CMBL: variants seen among roughly 807,000 people sequenced by gnomAD.
CMBL encodes carboxymethylenebutenolidase homolog (Pseudomonas).
Under a neutral mutation model 28.7 loss-of-function variants are expected in CMBL, and 17 were observed. That is an observed-to-expected ratio of 0.59 (90% confidence interval 0.41 to 0.89). The LOEUF (loss-of-function observed/expected upper bound fraction) is 0.89. Among genes scored for constraint, CMBL ranks in the 40% least tolerant of loss-of-function variants. CMBL has a pLI of 0.00. For missense variants in CMBL, 310 were observed against 298.5 expected (o/e 1.04, Z -0.28); for synonymous variants, 106 against 101.6 (o/e 1.04, Z -0.26).
At chr5:10,287,294 T>C (rs970326247) in intron 3 of CMBL, among the ~76,000 whole-genome samples, 11 of 152,322 alleles carry the variant, frequency 7.2e-5, no homozygotes, top group African/African-American at 2.4e-4. Flanking sequence ...CCATAGACTA[T>C]ACTCAGCCAT....
chr5:10,283,340 C>T (rs1024182259), intron 4 of CMBL, among the ~76,000 whole-genome samples: 3 of 152,140 alleles, frequency 2.0e-5, no homozygotes, highest in African/African-American at 7.2e-5. Context: ...CTACACAAGT[C>T]CCACGGGTTC....
chr5:10,290,462 C>T (rs993598787), intron 2 of CMBL, 86 bp downstream of exon 2: 28 of 1,106,784 alleles, frequency 2.5e-5, no homozygotes, highest in Middle Eastern at 2.5e-4. Flanking sequence ...ATAGTCAGAC[C>T]GCTGTGGTTT....
At position 10,282,174 on chromosome 5, in the gene CMBL, G is replaced by T. The variant is rs183391949; in HGVS notation, c.558+23C>A. 6.7e-3 allele frequency: 10,136 copies of T among 1,514,930 alleles called. 39 individuals carry two copies. Among genetic ancestry groups the T allele is most frequent in the Non-Finnish European group, 8.2e-3 (8,961 of 1,089,942 alleles). 93.8% of individuals were successfully genotyped at this position (1,514,930 alleles called of 1,614,324 possible). On this transcript the variant is annotated intron_variant, in intron 5 of 5. Coordinates refer to ENST00000296658, the MANE Select transcript of CMBL (RefSeq NM_138809.4). The stretch of plus-strand genomic sequence containing the variant: ...GACTCCATCTCAAATAAATAAATAC[G>T]AAGAGAAAAGATGCCAACTTACGTC...
intron 1 of CMBL, among the ~76,000 whole-genome samples, chr5:10,296,469 T>C (rs567411146): frequency 2.0e-5 from 3 of 152,226 alleles, no homozygotes; most frequent in African/African-American, 7.2e-5. Flanking sequence ...TTGGTAGAGA[T>C]GGGTTTTCAC....
intron 1 of CMBL, among the ~76,000 whole-genome samples, chr5:10,303,290 G>A (rs1746944197): frequency 6.6e-6 from 1 of 152,174 alleles, no homozygotes; most frequent in South Asian, 2.1e-4. Context: ...ATAAAACCAA[G>A]CTGTAACTCA....
At chr5:10,305,060 G>T (rs554525940) in intron 1 of CMBL, among the ~76,000 whole-genome samples, 15 of 152,268 alleles carry the variant, frequency 9.9e-5, no homozygotes, top group African/African-American at 3.6e-4. Flanking sequence ...CAGAGTCCTC[G>T]TTACACATGC....
At position 10,307,695 on chromosome 5, in the gene CMBL, G is replaced by C. The variant is rs983554102; in HGVS notation, c.-90C>G. ...CCCAGAGGAGGCGGCGTGGCGCCGGGCGGGGACGCGAGAGGGACGTGGACG... is the reference window on the plus strand; with the variant it reads ...CCCAGAGGAGGCGGCGTGGCGCCGGCCGGGGACGCGAGAGGGACGTGGACG... On this transcript the variant is annotated 5_prime_UTR_variant, in exon 1 of 6. Coordinates refer to ENST00000296658, the MANE Select transcript of CMBL (RefSeq NM_138809.4). 6.5e-6 allele frequency: 1 copy of C among 153,000 alleles called. No homozygotes were observed. The highest frequency in any genetic ancestry group is 6.5e-5 in the Admixed American group (1 of 15,300). 9.5% of individuals were successfully genotyped at this position (153,000 alleles called of 1,614,324 possible).
In CMBL at chr5:10,286,406, G is replaced by GTGTTCC; in HGVS notation, c.413_414insGGAACA (p.Val138_His139insGluHis). 6.2e-7 allele frequency: 1 copy of GTGTTCC among 1,613,928 alleles called. No individual in the cohort carries two copies. The highest frequency in any genetic ancestry group is 1.1e-5 in the South Asian group (1 of 91,066). On this transcript the variant is annotated inframe_insertion, in exon 4 of 6. Transcript: ENST00000296658. ...CTGAGTATTTCATCATCAAATGATGGACAGCAGTTCCACCCCAGCAGAATC... is the reference window on the plus strand; with the variant it reads ...CTGAGTATTTCATCATCAAATGATGGTGTTCCACAGCAGTTCCACCCCAGCAGAATC...
chr5:10,283,788 T>C (rs781673380), intron 4 of CMBL, among the ~76,000 whole-genome samples: 1 of 152,208 alleles, frequency 6.6e-6, no homozygotes, highest in Non-Finnish European at 1.5e-5. Flanking sequence ...ATAGTTTTCA[T>C]CTTTCATCTC....
intron 2 of CMBL, 34 bp downstream of exon 2, chr5:10,290,514 G>A (rs529601503): frequency 1.9e-6 from 3 of 1,557,780 alleles, no homozygotes; most frequent in South Asian, 1.1e-5. Context: ...AAATTTGTAT[G>A]AATTTAAACA....
intron 2 of CMBL, among the ~76,000 whole-genome samples, chr5:10,288,996 G>T (rs6870935): frequency 6.6e-6 from 1 of 152,066 alleles, no homozygotes; most frequent in Non-Finnish European, 1.5e-5. Context: ...CACCAAGACG[G>T]CGACGAAGCA....
intron 1 of CMBL, among the ~76,000 whole-genome samples, chr5:10,296,250 C>T (rs1746807145): frequency 1.3e-5 from 2 of 152,154 alleles, no homozygotes; most frequent in Non-Finnish European, 2.9e-5. Context: ...AGGGACTTTA[C>T]TACTACAAAT....
chr5:10,296,646 A>C (rs373728977), intron 1 of CMBL, among the ~76,000 whole-genome samples: 115 of 152,262 alleles, frequency 7.6e-4, no homozygotes, highest in African/African-American at 2.6e-3. Flanking sequence ...CAACACTAAC[A>C]CTTCAGGGAG....
intron 4 of CMBL, among the ~76,000 whole-genome samples, chr5:10,283,389 G>T (rs1171458668): frequency 6.6e-6 from 1 of 152,204 alleles, no homozygotes; most frequent in African/African-American, 2.4e-5. Context: ...GGTAAGAGGA[G>T]CTGTCTTTTG....
In CMBL at chr5:10,290,279, C is replaced by T. The variant is rs1175737637; in HGVS notation, c.215+269G>A. On this transcript the variant is annotated intron_variant, in intron 2 of 5. Transcript: ENST00000296658. ...GCCTGCGTCTGGCTGAGGCCCCACACGGGAAAAGAATTCTCAATGTCCAGC... is the reference window on the plus strand; with the variant it reads ...GCCTGCGTCTGGCTGAGGCCCCACATGGGAAAAGAATTCTCAATGTCCAGC... 65 of 453,692 alleles carry T rather than the reference C, an allele frequency of 1.4e-4. 1 individual carries two copies. Among genetic ancestry groups the T allele is most frequent in the South Asian group, 1.3e-3 (58 of 43,266 alleles). 28.1% of individuals were successfully genotyped at this position (453,692 alleles called of 1,614,324 possible).
At chr5:10,294,350 G>A (rs1746774186) in intron 1 of CMBL, among the ~76,000 whole-genome samples, 1 of 151,982 alleles carries the variant, frequency 6.6e-6, no homozygotes, top group Non-Finnish European at 1.5e-5. Context: ...TGAGGTGGGA[G>A]GATTGTTTGA....
At chr5:10,291,574 T>C (rs1189199110) in intron 1 of CMBL, among the ~76,000 whole-genome samples, 1 of 150,408 alleles carries the variant, frequency 6.6e-6, no homozygotes, top group Non-Finnish European at 1.5e-5. Flanking sequence ...GGCAGGAGAA[T>C]GGCGTGAACC....
At chr5:10,298,609 TG>T (rs1252668869) in intron 1 of CMBL, among the ~76,000 whole-genome samples, 3 of 152,198 alleles carry the variant, frequency 2.0e-5, no homozygotes, top group Non-Finnish European at 2.9e-5. Context: ...TAGCCCCATT[TG>T]GGCTGAGTGC....
At position 10,290,540 on chromosome 5, in the gene CMBL, A is replaced by T. The variant is rs1213372702; in HGVS notation, c.215+8T>A. On this transcript the variant is annotated splice_region_variant and intron_variant, in intron 2 of 5. Transcript: ENST00000296658. ...AATTTAAACAAAGAAACACAACTTT[A>T]TACATACGTGTATCCATTTCCTGAG... 2 of 1,604,544 alleles carry T rather than the reference A, an allele frequency of 1.2e-6. No individual in the cohort carries two copies. The highest frequency in any genetic ancestry group is 1.7e-6 in the Non-Finnish European group (2 of 1,171,374).
Sources: gnomAD v4.1 joint callset for allele counts (sites outside exome capture counted in the v4.1 genomes callset) on GRCh38, gnomAD v4.1.1 for gene constraint, MANE v1.5 for transcripts, NCBI Gene and HGNC (gene_info 2026-07-23, HGNC 2026-07-21) for gene names.